The following NOM1 variants were observed in gnomAD, a reference collection of about 807,000 sequenced individuals.
NOM1 encodes nucleolar protein with MIF4G domain 1.
In NOM1, 58 loss-of-function variants were observed where a neutral mutation model predicts 73.3. That is an observed-to-expected ratio of 0.79 (90% CI 0.64 to 0.99). The LOEUF (loss-of-function observed/expected upper bound fraction) is 0.99, where lower values mean the gene tolerates loss of function less well. Among genes scored for constraint, NOM1 ranks in the 50% least tolerant of loss-of-function variants. The probability of loss-of-function intolerance (pLI) is 0.00; values close to 1 mark genes in which losing one functional copy is unlikely to be tolerated. For missense variants in NOM1, 1,226 were observed against 1,131.9 expected (o/e 1.08, Z -1.19); for synonymous variants, 487 against 446.8 (o/e 1.09, Z -1.14).
chr7:156,964,605 A>G (rs904027582), intron 7 of NOM1, among the ~76,000 whole-genome samples: 2 of 152,214 alleles, frequency 1.3e-5, no homozygotes, highest in Non-Finnish European at 2.9e-5. Context: ...AAATCTTTAA[A>G]TGTACCTGTG....
At chr7:156,961,229 C>T (rs1180430578) in intron 4 of NOM1, among the ~76,000 whole-genome samples, 2 of 152,108 alleles carry the variant, frequency 1.3e-5, no homozygotes, top group East Asian at 3.9e-4. Flanking sequence ...GAGGATGGTC[C>T]CAGGAGCCAG....
At position 156,950,622 on chromosome 7, in the gene NOM1, G is replaced by A. The variant is rs762510432; in HGVS notation, c.885G>A (p.Lys295=). 6.4e-7 allele frequency: 1 copy of A among 1,562,300 alleles called. No homozygotes were observed. Among genetic ancestry groups the A allele is most frequent in the Non-Finnish European group, 8.7e-7 (1 of 1,152,862 alleles). ...EDTEEEQGEE[K]EKGAQEKRRG... is the part of the protein sequence containing the mutation. ...CAGAAGAGGAACAGGGGGAAGAAAA[G>A]GAAAAGGGAGCGCAGGAGAAAAGGA... The change falls in exon 1 of 11, where the codon AAG becomes AAA. Residue 295 remains lysine, a synonymous_variant. Coordinates refer to ENST00000275820, the MANE Select transcript of NOM1 (RefSeq NM_138400.2).
chr7:156,952,508 C>T lies in NOM1; in HGVS notation c.1022C>T (p.Pro341Leu), dbSNP rs774024626. Reference protein sequence around the residue: ...LCGSGEKYIPPHVRQAEETVD... With the variant: ...LCGSGEKYIPLHVRQAEETVD... Reference sequence around the variant, plus strand: ...GGAAGTGGTGAAAAGTACATCCCACCTCATGTGAGGCAAGCTGAGGAGACA... The same window carrying T: ...GGAAGTGGTGAAAAGTACATCCCACTTCATGTGAGGCAAGCTGAGGAGACA... The change falls in exon 2 of 11, where the codon CCT becomes CTT. Residue 341 changes from proline to leucine, a missense_variant. Coordinates refer to ENST00000275820, the MANE Select transcript of NOM1 (RefSeq NM_138400.2). 6 of 1,613,742 alleles carry T rather than the reference C, an allele frequency of 3.7e-6. No homozygotes were observed. The highest frequency in any genetic ancestry group is 2.2e-5 in the East Asian group (1 of 44,860).
chr7:156,963,773 G>A (rs979083105), intron 6 of NOM1, 132 bp from the exon 7 acceptor site: 1 of 1,003,932 alleles, frequency 1.0e-6, no homozygotes, highest in Admixed American at 2.6e-5. Context: ...TTGCCCGAGA[G>A]TGGACTTGGT....
In NOM1 at chr7:156,966,346, A is replaced by T. The variant is rs377521667; in HGVS notation, c.2110A>T (p.Asn704Tyr). 6.2e-7 allele frequency: 1 copy of T among 1,614,214 alleles called. No homozygotes were observed. The highest frequency in any genetic ancestry group is 8.5e-7 in the Non-Finnish European group (1 of 1,180,028). ...MDCCLQEKTY[N>Y]PFYAFLASKF... The stretch of plus-strand genomic sequence containing the variant: ...TTGCTGCCTTCAAGAGAAAACTTAC[A>T]ATCCCTTCTATGCTTTCCTGGCTAG... Residue 704 changes from asparagine (N) to tyrosine (Y), a missense_variant, in exon 8 of 11, where the codon AAT (asparagine) becomes TAT (tyrosine). By Grantham distance (143) the Asn-to-Tyr change is moderately radical. Transcript: ENST00000275820.
chr7:156,965,666 AG>A (rs1804977718), intron 7 of NOM1, among the ~76,000 whole-genome samples: 1 of 152,232 alleles, frequency 6.6e-6, no homozygotes, highest in African/African-American at 2.4e-5. Flanking sequence ...CTGTAATCCC[AG>A]CACTTTGGGA....
At chr7:156,967,814 C>A (rs977534140) in intron 9 of NOM1, among the ~76,000 whole-genome samples, 1 of 152,056 alleles carries the variant, frequency 6.6e-6, no homozygotes, top group Non-Finnish European at 1.5e-5. Flanking sequence ...TGAGCCAGTG[C>A]GCCCAGCTGA....
chr7:156,968,985 AG>A (rs71522061), intron 9 of NOM1, 101 bp from the exon 10 acceptor site: 1 of 688,398 alleles, frequency 1.5e-6, no homozygotes, highest in South Asian at 1.6e-5. Context: ...GAGTGGGGGA[AG>A]GGGGGAGATT....
At chr7:156,960,275 C>T in intron 4 of NOM1, 101 bp downstream of exon 4, 1 of 948,884 alleles carries the variant, frequency 1.1e-6, no homozygotes, top group Non-Finnish European at 1.6e-6. Context: ...ACTTGCTTTC[C>T]TAGTGATTTC....
Position 156,969,588 on chromosome 7 carries a change from ACTT to A in NOM1, c.2472_2474del (p.Phe824del). 1 of 1,614,134 alleles carries A rather than the reference ACTT, an allele frequency of 6.2e-7. No homozygotes were observed. Among genetic ancestry groups the A allele is most frequent in the Non-Finnish European group, 8.5e-7 (1 of 1,180,024 alleles). On this transcript the variant is annotated inframe_deletion, in exon 11 of 11. Coordinates refer to ENST00000275820, the MANE Select transcript of NOM1 (RefSeq NM_138400.2). ...GAGGGTTTGAAGCTTTTCATCAGCC[ACTT>A]CTTGCTAAAGAACGCACAGGCCCAC...
Position 156,963,061 on chromosome 7 carries a change from T to G in NOM1, c.1797T>G (p.Ser599Arg). 1 of 1,614,204 alleles carries G rather than the reference T, an allele frequency of 6.2e-7. No homozygotes were observed. The highest frequency in any genetic ancestry group is 1.1e-5 in the South Asian group (1 of 91,074). ...SETQLRVSWD[S>R]VLSAEQTGRW... ...CGCAGCTTCGCGTCTCCTGGGACAG[T>G]GTCTTGAGTGCGGAGCAGACGGGTC... The change falls in exon 6 of 11, where the codon AGT becomes AGG. Residue 599 changes from serine (S) to arginine (R), a missense_variant. Physicochemically the swap from Ser to Arg is moderately radical, Grantham distance 110. Coordinates refer to ENST00000275820, the MANE Select transcript of NOM1 (RefSeq NM_138400.2).
At chr7:156,955,574 C>A (rs1388359668) in intron 3 of NOM1, among the ~76,000 whole-genome samples, 1 of 152,190 alleles carries the variant, frequency 6.6e-6, no homozygotes, top group African/African-American at 2.4e-5. Context: ...CCCTAAAAGT[C>A]TAATTACCTG....
Position 156,950,102 on chromosome 7 carries a change from A to G in NOM1, c.365A>G (p.His122Arg), listed in dbSNP as rs6952214. The change falls in exon 1 of 11, where the codon CAC becomes CGC. Residue 122 changes from histidine to arginine, a missense_variant. Physicochemically the swap from His to Arg is conservative, Grantham distance 29. Transcript: ENST00000275820. Reference protein sequence around the residue: ...GRSGAEEASGHRQDTEERARP... With the variant: ...GRSGAEEASGRRQDTEERARP... ...AGCGGAGCCGAAGAAGCCAGCGGTC[A>G]CCGGCAGGACACGGAGGAGCGCGCC... The G allele has an allele frequency of 3.9e-6, 6 of 1,549,214 alleles. No homozygotes were observed. The Admixed American group carries it at 7.8e-5, about 20-fold the overall frequency.
At chr7:156,955,706 A>G (rs1314087738) in intron 3 of NOM1, among the ~76,000 whole-genome samples, 4 of 152,226 alleles carry the variant, frequency 2.6e-5, no homozygotes, top group African/African-American at 9.6e-5. Flanking sequence ...CTGAAGCGCT[A>G]TGTGAAATTC....
Position 156,959,867 on chromosome 7 carries a change from T to A in NOM1, c.1325T>A (p.Leu442Gln). 1 of 1,614,148 alleles carries A rather than the reference T, an allele frequency of 6.2e-7. No individual in the cohort carries two copies. Among genetic ancestry groups the A allele is most frequent in the Non-Finnish European group, 8.5e-7 (1 of 1,180,020 alleles). Residue 442 changes from leucine (L) to glutamine (Q), a missense_variant, in exon 4 of 11, where the codon CTG becomes CAG. Physicochemically the swap from Leu to Gln is moderately radical, Grantham distance 113. Transcript: ENST00000275820. Reference protein sequence around the residue: ...TVGIEVGAHFLEAVVRKFDAI... With the variant: ...TVGIEVGAHFQEAVVRKFDAI... ...TTCTTTCAGGTCGGTGCCCACTTTCTGGAGGCAGTGGTGAGGAAGTTCGAT... is the reference window on the plus strand; with the variant it reads ...TTCTTTCAGGTCGGTGCCCACTTTCAGGAGGCAGTGGTGAGGAAGTTCGAT...
chr7:156,951,023 C>T (rs375820076), intron 1 of NOM1, among the ~76,000 whole-genome samples: 4 of 152,328 alleles, frequency 2.6e-5, no homozygotes, highest in East Asian at 1.9e-4. Flanking sequence ...CCTGTTAACC[C>T]TACCTCATCT....
intron 8 of NOM1, 88 bp from the exon 9 acceptor site, chr7:156,966,873 A>G: frequency 3.7e-6 from 5 of 1,364,996 alleles, no homozygotes; most frequent in Non-Finnish European, 5.0e-6. Context: ...TAAGATAATA[A>G]GAAAATACCT....
At chr7:156,957,219 C>G (rs1254948890) in intron 3 of NOM1, among the ~76,000 whole-genome samples, 1 of 152,110 alleles carries the variant, frequency 6.6e-6, no homozygotes, top group East Asian at 1.9e-4. Context: ...CAGTCCTGTA[C>G]CGAGAAAAAC....
In NOM1 at chr7:156,962,245, A is replaced by G. The variant is rs747420341; in HGVS notation, c.1727A>G (p.Lys576Arg). 1 of 1,613,870 alleles carries G rather than the reference A, an allele frequency of 6.2e-7. No homozygotes were observed. Reference sequence around the variant, plus strand: ...CCCGAGCCCGTGGAGAAGCTGAGGAAACTGCAGAGAGCTTTGGTGAGTCAA... The same window carrying G: ...CCCGAGCCCGTGGAGAAGCTGAGGAGACTGCAGAGAGCTTTGGTGAGTCAA... ...YDPEPVEKLRKLQRALVRNAG... is the reference protein window; with the variant it reads ...YDPEPVEKLRRLQRALVRNAG... Residue 576 changes from lysine (K) to arginine (R), a missense_variant, in exon 5 of 11, where the codon AAA becomes AGA. Coordinates refer to ENST00000275820, the MANE Select transcript of NOM1 (RefSeq NM_138400.2).
Sources: gnomAD v4.1 joint callset for allele counts (sites outside exome capture counted in the v4.1 genomes callset) on GRCh38, gnomAD v4.1.1 for gene constraint, MANE v1.5 for transcripts, NCBI Gene and HGNC (gene_info 2026-07-23, HGNC 2026-07-21) for gene names.